The following DAB1 variants were observed in gnomAD, a reference collection of about 807,000 sequenced individuals.
The protein encoded by DAB1 is disabled homolog 1.
Under a neutral mutation model 64.6 loss-of-function variants are expected in DAB1, and 15 were observed. The observed-to-expected ratio is 0.23, with a 90% confidence interval of 0.16 to 0.36. The LOEUF is 0.36. Among genes scored for constraint, DAB1 ranks in the 10% least tolerant of loss-of-function variants. DAB1 has a pLI of 1.00. For synonymous variants in DAB1, 235 were observed against 251.9 expected (o/e 0.93, Z 0.64); for missense variants, 596 against 706.7 (o/e 0.84, Z 1.78).
rs553299679 is a variant in DAB1, at chr1:57,939,260, C to T, written n.388-55098G>A. On this transcript the variant is annotated intron_variant and non_coding_transcript_variant, in intron 5 of 20. Transcript: ENST00000485760. ...TGAGGGCACTAATCCCATTTGTGGA[C>T]GCTCCACCCTCATGACTCAATTATG... is the stretch of plus-strand genomic sequence containing the variant. Among the ~76,000 whole-genome samples the T allele has an allele frequency of 1.8e-4, 27 of 152,150 alleles. 1 individual carries two copies. In the South Asian group the frequency reaches 2.5e-3, roughly 14 times the overall value.
chr1:57,985,004 G>C (rs546066176), intron 5 of DAB1, among the ~76,000 whole-genome samples: 1 of 152,210 alleles, frequency 6.6e-6, no homozygotes, highest in African/African-American at 2.4e-5. Flanking sequence ...CGCCTCCCAG[G>C]TTCAGGTGAT....
At chr1:57,554,193 C>T (rs144685367) in intron 7 of DAB1, among the ~76,000 whole-genome samples, 1 of 152,296 alleles carries the variant, frequency 6.6e-6, no homozygotes, top group Non-Finnish European at 1.5e-5. Context: ...TTGTTCTAGG[C>T]TACTAGAAAA....
At chr1:57,305,988 A>AAAAG (rs1558132331) in intron 1 of DAB1, among the ~76,000 whole-genome samples, 20 of 148,532 alleles carry the variant, frequency 1.3e-4, no homozygotes, top group African/African-American at 5.0e-4. Flanking sequence ...AAAAAAAAGA[A>AAAAG]AAAAGAAAAG....
chr1:57,076,649 G>A (rs1415677582), intron 4 of DAB1, among the ~76,000 whole-genome samples: 5 of 152,144 alleles, frequency 3.3e-5, no homozygotes, highest in Non-Finnish European at 5.9e-5. Flanking sequence ...TGCTCACATG[G>A]TTTTCTCTGC....
intron 3 of DAB1, among the ~76,000 whole-genome samples, 186 bp downstream of exon 3, chr1:57,145,104 A>G (rs1658984946): frequency 1.3e-5 from 2 of 152,238 alleles, no homozygotes; most frequent in Non-Finnish European, 2.9e-5. Flanking sequence ...TCCACATAGT[A>G]GGTGCTCAAC....
intron 6 of DAB1, among the ~76,000 whole-genome samples, chr1:57,770,814 T>C (rs568232453): frequency 6.6e-5 from 10 of 152,190 alleles, no homozygotes; most frequent in East Asian, 1.9e-4. Context: ...TAGAAGGACA[T>C]TGAAAGAAAA....
At chr1:57,031,290 G>A (rs1646959349) in intron 9 of DAB1, among the ~76,000 whole-genome samples, 1 of 152,108 alleles carries the variant, frequency 6.6e-6, no homozygotes, top group Non-Finnish European at 1.5e-5. Flanking sequence ...ATCTGAAATA[G>A]TATCTATTTT....
intron 2 of DAB1, among the ~76,000 whole-genome samples, chr1:57,271,063 C>A (rs568555532): frequency 6.6e-6 from 1 of 152,244 alleles, no homozygotes; most frequent in South Asian, 2.1e-4. Context: ...CCTCTGTAAG[C>A]CTTTCCCCAG....
intron 4 of DAB1, among the ~76,000 whole-genome samples, chr1:57,111,493 C>T (rs745564593): frequency 1.3e-5 from 2 of 152,158 alleles, no homozygotes; most frequent in African/African-American, 2.4e-5. Flanking sequence ...CCTGTGTGTA[C>T]AAGCACCTGC....
intron 3 of DAB1, among the ~76,000 whole-genome samples, chr1:58,351,295 T>C (rs950615130): frequency 3.3e-5 from 5 of 152,128 alleles, no homozygotes; most frequent in African/African-American, 4.8e-5. Flanking sequence ...CATAAACCCA[T>C]GCATGGTTAC....
chr1:57,162,642 G>T (rs1324798192), intron 2 of DAB1, among the ~76,000 whole-genome samples: 1 of 152,150 alleles, frequency 6.6e-6, no homozygotes, highest in Non-Finnish European at 1.5e-5. Flanking sequence ...GATTTAAGTG[G>T]GTGTCTCTGC....
chr1:57,272,181 T>G (rs1374595943), intron 2 of DAB1, among the ~76,000 whole-genome samples: 1 of 152,186 alleles, frequency 6.6e-6, no homozygotes, highest in Non-Finnish European at 1.5e-5. Context: ...TGGGTTACAT[T>G]CTAAACAACT....
intron 1 of DAB1, among the ~76,000 whole-genome samples, chr1:57,838,536 C>A (rs1383096797): frequency 6.6e-6 from 1 of 151,854 alleles, no homozygotes; most frequent in Non-Finnish European, 1.5e-5. Context: ...AGAAAAAAAT[C>A]CCTCTTCTGT....
chr1:58,291,572 G>C (rs1033607829), intron 4 of DAB1, among the ~76,000 whole-genome samples: 8 of 152,146 alleles, frequency 5.3e-5, no homozygotes, highest in Non-Finnish European at 8.8e-5. Context: ...GACCTACAAT[G>C]GTGTCTAACA....
rs12048895 is a variant in DAB1 at position 57,698,997 on chromosome 1, G to T, written n.552-49332C>A. On this transcript the variant is annotated intron_variant and non_coding_transcript_variant, in intron 6 of 20. Coordinates refer to the DAB1 transcript ENST00000485760. ...CCATTGCCCAGGCTAGAGTGCAATG[G>T]CATGATCATTGCTCACTGCGGCCTT... Among the ~76,000 whole-genome samples, 15 of 152,272 alleles carry T rather than the reference G, an allele frequency of 9.9e-5. No homozygotes were observed. In the East Asian group the frequency reaches 2.7e-3, roughly 27 times the overall value.
At chr1:57,302,206 C>T (rs1003058633) in intron 1 of DAB1, among the ~76,000 whole-genome samples, 1 of 152,112 alleles carries the variant, frequency 6.6e-6, no homozygotes, top group African/African-American at 2.4e-5. Flanking sequence ...CAGCAATAAC[C>T]GTGTTTTCCT....
chr1:57,926,149 C>T (rs973092841), intron 5 of DAB1, among the ~76,000 whole-genome samples: 1 of 152,182 alleles, frequency 6.6e-6, no homozygotes, highest in Non-Finnish European at 1.5e-5. Flanking sequence ...GCCAGTGACC[C>T]TGGGCCAAAT....
intron 9 of DAB1, among the ~76,000 whole-genome samples, chr1:57,050,659 A>G (rs1463585723): frequency 2.0e-5 from 3 of 152,188 alleles, no homozygotes; most frequent in African/African-American, 7.2e-5. Context: ...TCCTTCAGGC[A>G]AAGTTTACTG....
intron 5 of DAB1, among the ~76,000 whole-genome samples, chr1:57,957,371 T>G (rs947505532): frequency 1.3e-5 from 2 of 152,094 alleles, no homozygotes; most frequent in Non-Finnish European, 2.9e-5. Context: ...AAGGATAAAG[T>G]TGACATTTGT....
Sources: gnomAD v4.1 joint callset for allele counts (sites outside exome capture counted in the v4.1 genomes callset) on GRCh38, gnomAD v4.1.1 for gene constraint, MANE v1.5 for transcripts, NCBI Gene and HGNC (gene_info 2026-07-23, HGNC 2026-07-21) for gene names.